ESRRG: variants seen among roughly 807,000 people sequenced by gnomAD.
The protein encoded by ESRRG is estrogen related receptor gamma.
Under a neutral mutation model 44.0 loss-of-function variants are expected in ESRRG, and 13 were observed. That is an observed-to-expected ratio of 0.30 (90% CI 0.19 to 0.47). The LOEUF (loss-of-function observed/expected upper bound fraction) is 0.47. Among genes scored for constraint, ESRRG ranks in the 20% least tolerant of loss-of-function variants. ESRRG has a pLI of 1.00. For synonymous variants in ESRRG, 215 were observed against 214.6 expected (o/e 1.00, Z -0.02); for missense variants, 395 against 580.6 (o/e 0.68, Z 3.29).
At chr1:217,013,896 T>C (rs1302857503) in intron 1 of ESRRG, among the ~76,000 whole-genome samples, 1 of 152,110 alleles carries the variant, frequency 6.6e-6, no homozygotes, top group East Asian at 1.9e-4. Flanking sequence ...TAAATATGAT[T>C]TGATGATCAT....
intron 2 of ESRRG, among the ~76,000 whole-genome samples, chr1:216,820,567 T>C (rs2148602336): frequency 1.3e-5 from 2 of 152,284 alleles, no homozygotes; most frequent in South Asian, 4.1e-4. Flanking sequence ...TAGGCACTCA[T>C]TCAAAAATTC....
At position 216,741,959 on chromosome 1, in the gene ESRRG, C is replaced by T. The variant is rs117890704; in HGVS notation, c.-13-64468G>A. Among the ~76,000 whole-genome samples, 300 of 152,232 alleles carry T rather than the reference C, an allele frequency of 2.0e-3. 9 individuals are homozygous for T. The East Asian group carries it at 0.051, about 26-fold the overall frequency. On this transcript the variant is annotated intron_variant, in intron 2 of 7. Coordinates refer to the ESRRG transcript ENST00000359162. ...TGGTCTCTCTCCCTCTGTTTTTCTG[C>T]TTCTTTCTAATTCATTCTATATGCC...
chr1:217,023,648 C>A (rs951571839), intron 1 of ESRRG, among the ~76,000 whole-genome samples: 1 of 152,180 alleles, frequency 6.6e-6, no homozygotes, highest in Non-Finnish European at 1.5e-5. Flanking sequence ...AACCTCCTTC[C>A]TTGAGATGCT....
At chr1:217,047,937 C>A (rs182368090) in intron 1 of ESRRG, among the ~76,000 whole-genome samples, 1 of 152,132 alleles carries the variant, frequency 6.6e-6, no homozygotes, top group Non-Finnish European at 1.5e-5. Context: ...ACCACGGTAT[C>A]GGGGAAGAAG....
Position 216,889,960 on chromosome 1 carries a change from T to C in ESRRG, c.-14+49622A>G, listed in dbSNP as rs566390722. On this transcript the variant is annotated intron_variant, in intron 2 of 7. Transcript: ENST00000359162. ...TGCAGATTGAATAAAGTCAATCTTATCTCCACATTAAATGACTTTAATAGG... is the reference window on the plus strand; with the variant it reads ...TGCAGATTGAATAAAGTCAATCTTACCTCCACATTAAATGACTTTAATAGG... Among the ~76,000 whole-genome samples the C allele has an allele frequency of 5.3e-4, 81 of 152,290 alleles. No homozygotes were observed. In the Middle Eastern group the frequency reaches 0.014, roughly 26 times the overall value.
intron 1 of ESRRG, among the ~76,000 whole-genome samples, chr1:217,113,372 C>G (rs928748970): frequency 6.6e-6 from 1 of 152,146 alleles, no homozygotes; most frequent in African/African-American, 2.4e-5. Context: ...ATCCCACCTC[C>G]CCTGTTTCTG....
At chr1:217,119,052 G>GAA (rs1558282099) in intron 1 of ESRRG, among the ~76,000 whole-genome samples, 18 of 138,388 alleles carry the variant, frequency 1.3e-4, no homozygotes, top group African/African-American at 5.2e-4. Flanking sequence ...GATAGATAGA[G>GAA]ACACAGATAC....
At chr1:217,052,770 C>T (rs2086280893) in intron 1 of ESRRG, among the ~76,000 whole-genome samples, 1 of 152,088 alleles carries the variant, frequency 6.6e-6, no homozygotes, top group Non-Finnish European at 1.5e-5. Context: ...TAATGTTGAT[C>T]ATTAACAACA....
chr1:217,002,334 AAG>A, intron 1 of ESRRG, among the ~76,000 whole-genome samples: 1 of 111,976 alleles, frequency 8.9e-6, no homozygotes, highest in East Asian at 3.1e-4. Context: ...AAAAAAAAAA[AAG>A]AAAGAAAGAA....
intron 6 of ESRRG, among the ~76,000 whole-genome samples, chr1:216,509,865 T>G (rs962737071): frequency 6.6e-6 from 1 of 152,190 alleles, no homozygotes; most frequent in Admixed American, 6.5e-5. Context: ...TAATCTCCAT[T>G]AGGGATCCTA....
At chr1:217,037,720 A>C (rs2083154007) in intron 1 of ESRRG, among the ~76,000 whole-genome samples, 1 of 152,188 alleles carries the variant, frequency 6.6e-6, no homozygotes, top group African/African-American at 2.4e-5. Flanking sequence ...TCCACAGTCC[A>C]AAGTCTTATC....
chr1:216,724,681 T>C (rs2087119459), upstream of ESRRG, among the ~76,000 whole-genome samples: 7 of 152,028 alleles, frequency 4.6e-5, no homozygotes, highest in Admixed American at 4.6e-4. Context: ...TTCAAAAAAA[T>C]AAAAATAAAA....
chr1:216,699,697 A>G (rs2081007680), intron 1 of ESRRG, among the ~76,000 whole-genome samples: 1 of 152,134 alleles, frequency 6.6e-6, no homozygotes, highest in East Asian at 1.9e-4. Flanking sequence ...TGCCCCCTTC[A>G]TGTCTAAAAT....
At chr1:216,973,957 G>A (rs768039067) in intron 1 of ESRRG, among the ~76,000 whole-genome samples, 5 of 151,798 alleles carry the variant, frequency 3.3e-5, no homozygotes, top group African/African-American at 1.2e-4. Flanking sequence ...CTATATGTTC[G>A]GGCCACTTTC....
chr1:216,605,326 A>T (rs1386955569), intron 3 of ESRRG, among the ~76,000 whole-genome samples: 1 of 152,236 alleles, frequency 6.6e-6, no homozygotes, highest in Non-Finnish European at 1.5e-5. Context: ...CTTTCACAAT[A>T]TGAGAAAACT....
At chr1:217,016,836 A>G (rs1365701515) in intron 1 of ESRRG, among the ~76,000 whole-genome samples, 2 of 152,202 alleles carry the variant, frequency 1.3e-5, no homozygotes, top group African/African-American at 4.8e-5. Flanking sequence ...TATGTAATTC[A>G]CTTGCAAACT....
At chr1:216,884,694 T>A (rs1313607134) in intron 2 of ESRRG, among the ~76,000 whole-genome samples, 1 of 152,190 alleles carries the variant, frequency 6.6e-6, no homozygotes, top group Non-Finnish European at 1.5e-5. Flanking sequence ...CAAAGAGAAA[T>A]GGACATTACG....
intron 2 of ESRRG, among the ~76,000 whole-genome samples, chr1:216,657,787 C>G (rs1217641328): frequency 6.6e-6 from 1 of 152,094 alleles, no homozygotes; most frequent in Admixed American, 6.5e-5. Context: ...GTGCACAAGT[C>G]TCATGCTCTT....
intron 2 of ESRRG, among the ~76,000 whole-genome samples, chr1:216,660,311 C>G (rs780645199): frequency 1.3e-5 from 2 of 152,144 alleles, no homozygotes; most frequent in Non-Finnish European, 2.9e-5. Flanking sequence ...TCCACAAATA[C>G]TTAGATATCA....
Sources: gnomAD v4.1 joint callset for allele counts (sites outside exome capture counted in the v4.1 genomes callset) on GRCh38, gnomAD v4.1.1 for gene constraint, MANE v1.5 for transcripts, NCBI Gene and HGNC (gene_info 2026-07-23, HGNC 2026-07-21) for gene names.